KLF17: variants seen among roughly 807,000 people sequenced by gnomAD.
KLF17 encodes Krueppel-like factor 17.
Under a neutral mutation model 34.2 loss-of-function variants are expected in KLF17, and 31 were observed. The ratio of observed to expected loss-of-function variants is 0.91; its 90% CI spans 0.68 to 1.22. The LOEUF is 1.22. KLF17 is among the 50% of genes most tolerant of loss of function. The probability of loss-of-function intolerance (pLI) is 0.00; values close to 1 mark genes in which losing one functional copy is unlikely to be tolerated. For synonymous variants in KLF17, 179 were observed against 186.7 expected (o/e 0.96, Z 0.34); for missense variants, 478 against 505.2 (o/e 0.95, Z 0.52).
the KLF17 span, among the ~76,000 whole-genome samples, chr1:44,091,890 G>A: frequency 2.7e-5 from 4 of 147,334 alleles, no homozygotes; most frequent in East Asian, 6.0e-4. Flanking sequence ...CAGCCTGGGG[G>A]GTGAGAGAGA....
At chr1:44,066,197 G>A in the KLF17 span, among the ~76,000 whole-genome samples, 2 of 152,034 alleles carry the variant, frequency 1.3e-5, no homozygotes, top group Admixed American at 1.3e-4. Context: ...GTATGAACCT[G>A]TGTTCTCAGC....
rs746851445 is a variant in KLF17, at chr1:44,130,636, G to A, written c.1050G>A (p.Arg350=). The change falls in exon 3 of 4, where the codon CGG becomes CGA. Residue 350 remains arginine (R), a synonymous_variant. Transcript: ENST00000372299. ...YRPYKCDQCS[R]EFMRSDHLKQ... is the part of the protein sequence containing the mutation. ...CATATAAATGTGATCAGTGCAGCCG[G>A]GAGTTCATGAGGTCTGACCATCTCA... 1 of 1,614,090 alleles carries A rather than the reference G, an allele frequency of 6.2e-7. No homozygotes were observed. Among genetic ancestry groups the A allele is most frequent in the Non-Finnish European group, 8.5e-7 (1 of 1,180,030 alleles).
chr1:44,124,903 A>G (rs763462820), intron 1 of KLF17, among the ~76,000 whole-genome samples: 2 of 152,188 alleles, frequency 1.3e-5, no homozygotes, highest in Non-Finnish European at 2.9e-5. Context: ...ATTAACTTCA[A>G]TAGCACATAA....
the KLF17 span, among the ~76,000 whole-genome samples, chr1:44,066,595 C>A: frequency 6.6e-6 from 1 of 151,982 alleles, no homozygotes; most frequent in Non-Finnish European, 1.5e-5. Flanking sequence ...AATTGAATAT[C>A]CACTCTGGAA....
At chr1:44,108,497 T>C in the KLF17 span, among the ~76,000 whole-genome samples, 1 of 151,992 alleles carries the variant, frequency 6.6e-6, no homozygotes, top group Admixed American at 6.6e-5. Context: ...AGCCCACGCA[T>C]TCAAGTTGAA....
the KLF17 span, among the ~76,000 whole-genome samples, chr1:44,065,086 A>G: frequency 6.6e-6 from 1 of 152,140 alleles, no homozygotes; most frequent in Non-Finnish European, 1.5e-5. Context: ...CAGGAGTTCG[A>G]GAGCAGTCTG....
chr1:44,115,899 T>G (rs1172822024), upstream of KLF17: 1 of 152,238 alleles, frequency 6.6e-6, no homozygotes, highest in Non-Finnish European at 1.5e-5. Context: ...TATTTTATGA[T>G]GTGAGTATGC....
At chr1:44,084,605 A>G in the KLF17 span, among the ~76,000 whole-genome samples, 1 of 151,456 alleles carries the variant, frequency 6.6e-6, no homozygotes, top group Non-Finnish European at 1.5e-5. Context: ...ATTTAGGCCT[A>G]TGAGGTCAAG....
At chr1:44,090,321 A>AAAAAAAAAAAAAAAAAAAC in the KLF17 span, among the ~76,000 whole-genome samples, 1 of 149,038 alleles carries the variant, frequency 6.7e-6, no homozygotes, top group Admixed American at 6.7e-5. Context: ...AAAAAAAAAA[A>AAAAAAAAAAAAAAAAAAAC]AAAAAAAAAA....
chr1:44,048,011 T>C, the KLF17 span: 1 of 139,952 alleles, frequency 7.1e-6, no homozygotes, highest in Non-Finnish European at 1.5e-5. Flanking sequence ...TATGTGTGTG[T>C]GTGTGTGTGT....
At chr1:44,122,226 G>A (rs745497606) in intron 1 of KLF17, 311 of 1,603,626 alleles carry the variant, frequency 1.9e-4, no homozygotes, top group Non-Finnish European at 2.6e-4. Flanking sequence ...GCCTCTTCCT[G>A]CAACAGCTTC....
intron 2 of KLF17, 50 bp downstream of exon 2, chr1:44,130,246 G>C (rs1198173383): frequency 1.9e-6 from 3 of 1,557,752 alleles, no homozygotes; most frequent in Admixed American, 1.9e-5. Context: ...CTGGGCTTTA[G>C]ATTTGTCCTG....
the KLF17 span, among the ~76,000 whole-genome samples, chr1:44,087,348 T>G: frequency 6.6e-6 from 1 of 151,950 alleles, no homozygotes; most frequent in South Asian, 2.1e-4. Flanking sequence ...TCCACTTCCC[T>G]GGGCTCAGGG....
chr1:44,112,690 G>T, the KLF17 span, among the ~76,000 whole-genome samples: 3 of 152,258 alleles, frequency 2.0e-5, no homozygotes, highest in East Asian at 5.8e-4. Flanking sequence ...TTATGGATGT[G>T]AGTCACCGCA....
chr1:44,078,412 C>T, the KLF17 span, among the ~76,000 whole-genome samples: 9 of 151,316 alleles, frequency 5.9e-5, no homozygotes, highest in African/African-American at 1.9e-4. Flanking sequence ...GGCTCCTCTT[C>T]CCGGTTCTGG....
the KLF17 span, among the ~76,000 whole-genome samples, chr1:44,070,715 G>A: frequency 7.0e-6 from 1 of 143,388 alleles, no homozygotes; most frequent in Admixed American, 7.5e-5. Context: ...CACCTCCCTT[G>A]TCTTTATCAG....
chr1:44,091,961 A>ACACTCTCTCTCTCT, the KLF17 span, among the ~76,000 whole-genome samples: 2 of 116,554 alleles, frequency 1.7e-5, no homozygotes, highest in African/African-American at 7.1e-5. Context: ...ACACACACAC[A>ACACTCTCTCTCTCT]CTCTCTCTCT....
chr1:44,048,631 T>C, the KLF17 span: 2 of 152,218 alleles, frequency 1.3e-5, no homozygotes, highest in Non-Finnish European at 1.5e-5. Context: ...CTTTAGAAAA[T>C]ATTCTTTATG....
At chr1:44,070,388 A>G in the KLF17 span, among the ~76,000 whole-genome samples, 1 of 151,670 alleles carries the variant, frequency 6.6e-6, no homozygotes, top group Non-Finnish European at 1.5e-5. Context: ...GTCATTCCAC[A>G]CTCTACTTCC....
Sources: allele counts gnomAD v4.1 joint callset (sites outside exome capture counted in the v4.1 genomes callset), GRCh38; gene constraint gnomAD v4.1.1; transcripts MANE v1.5; gene names NCBI Gene and HGNC (gene_info 2026-07-23, HGNC 2026-07-21).